Variants in CYP26B1 observed in about 807,000 individuals in gnomAD.
The protein encoded by CYP26B1 is cytochrome P450 family 26 subfamily B member 1, also known as cytochrome P450 26B1.
CYP26B1 carries 8 observed loss-of-function variants against 39.1 expected under a neutral mutation model. That is an observed-to-expected ratio of 0.20 (90% CI 0.12 to 0.37). CYP26B1 has a LOEUF of 0.37. Among genes scored for constraint, CYP26B1 ranks in the 10% least tolerant of loss-of-function variants. The pLI is 1.00. For missense variants in CYP26B1, 615 were observed against 707.0 expected, an observed-to-expected ratio of 0.87 and a Z score of 1.48; for synonymous variants, 321 against 314.3, an observed-to-expected ratio of 1.02 and a Z score of -0.23.
Position 72,132,979 on chromosome 2 carries a change from C to T in CYP26B1, c.1146+44G>A, listed in dbSNP as rs758053095. The T allele has an allele frequency of 8.1e-6, 13 of 1,612,236 alleles. 1 individual carries two copies. The South Asian group carries it at 8.8e-5, about 11-fold the overall frequency. On this transcript the variant is annotated intron_variant, in intron 5 of 5. Coordinates refer to ENST00000001146, the MANE Select transcript of CYP26B1 (RefSeq NM_019885.4). ...GCCCCGCCTTGCCCCTATCCCGGTG[C>T]CCCTGCTCCCCCATCGCCCCCGGTG...
intron 1 of CYP26B1, 48 bp from the exon 2 acceptor site, chr2:72,144,261 G>A: frequency 6.4e-7 from 1 of 1,557,014 alleles, no homozygotes; most frequent in Non-Finnish European, 8.7e-7. Flanking sequence ...TTCTGCAGAG[G>A]GCCCGCGAGG....
At chr2:72,138,461 G>A (rs1164569382) in intron 2 of CYP26B1, among the ~76,000 whole-genome samples, 1 of 152,230 alleles carries the variant, frequency 6.6e-6, no homozygotes, top group Admixed American at 6.5e-5. Context: ...CCTGTGAAGA[G>A]AGGAAGGGTT....
At chr2:72,144,433 G>C in intron 1 of CYP26B1, 22 of 1,354,824 alleles carry the variant, frequency 1.6e-5, no homozygotes, top group Non-Finnish European at 2.1e-5. Flanking sequence ...CGGAGGCCCA[G>C]GGGCACCCCC....
In CYP26B1 at chr2:72,132,218, G is replaced by C. The variant is rs892407164; in HGVS notation, c.*9C>G. 6.3e-7 allele frequency: 1 copy of C among 1,595,538 alleles called. No individual in the cohort carries two copies. Among genetic ancestry groups the C allele is most frequent in the Non-Finnish European group, 8.5e-7 (1 of 1,171,846 alleles). On this transcript the variant is annotated 3_prime_UTR_variant, in exon 6 of 6. Transcript: ENST00000001146. ...TGCCTGGGCTGGGCTGAGGCGGGTG[G>C]GTCTTGGGTTAGACTGTGGCGCTCA...
chr2:72,140,449 G>A (rs909073819), intron 2 of CYP26B1, among the ~76,000 whole-genome samples: 2 of 152,280 alleles, frequency 1.3e-5, no homozygotes, highest in Non-Finnish European at 2.9e-5. Context: ...CCTATGCCAA[G>A]GGGCTGGGGC....
Position 72,133,035 on chromosome 2 carries a change from G to A in CYP26B1, c.1134C>T (p.Thr378=), listed in dbSNP as rs775903624. ...ISGGYRTVLQ[T]FELDGFQIPK... ...GGCCCAGCCTCACATCAAGCTCGAA[G>A]GTCTGCAGCACAGTGCGGTAGCCGC... is the stretch of plus-strand genomic sequence containing the variant. The change falls in exon 5 of 6, where the codon ACC becomes ACT. Residue 378 remains threonine, a synonymous_variant. Coordinates refer to ENST00000001146, the MANE Select transcript of CYP26B1 (RefSeq NM_019885.4). 3.1e-6 allele frequency: 5 copies of A among 1,613,242 alleles called. No individual in the cohort carries two copies. The highest frequency in any genetic ancestry group is 4.2e-6 in the Non-Finnish European group (5 of 1,179,982).
rs915988856 is a variant in CYP26B1 at position 72,129,589 on chromosome 2, A to G, written c.*2638T>C. On this transcript the variant is annotated 3_prime_UTR_variant, in exon 6 of 6. Coordinates refer to ENST00000001146, the MANE Select transcript of CYP26B1 (RefSeq NM_019885.4). ...AAAATAGTACTTATAATAGTTTATA[A>G]AGACAGACACAAAATTATAACATTT... 3.3e-5 allele frequency: 5 copies of G among 151,962 alleles called. No homozygotes were observed. 9.4% of individuals were successfully genotyped at this position (151,962 alleles called of 1,614,324 possible). A position where few individuals can be genotyped will look rare whatever the true frequency, so the allele number is the denominator to read the frequency against.
intron 2 of CYP26B1, among the ~76,000 whole-genome samples, chr2:72,138,442 G>A (rs1676841348): frequency 1.3e-5 from 2 of 152,352 alleles, no homozygotes; most frequent in Admixed American, 6.5e-5. Flanking sequence ...AGGTGCCGGG[G>A]AGCGGCTCCC....
chr2:72,142,405 G>A (rs977257128), intron 2 of CYP26B1, among the ~76,000 whole-genome samples: 1 of 152,186 alleles, frequency 6.6e-6, no homozygotes, highest in African/African-American at 2.4e-5. Context: ...ACTCTCCTCC[G>A]GGGCCCAGAG....
intron 4 of CYP26B1, among the ~76,000 whole-genome samples, chr2:72,134,371 TG>T (rs1676693350): frequency 1.0e-5 from 1 of 99,226 alleles, no homozygotes; most frequent in South Asian, 3.2e-4. Flanking sequence ...AGGCTGGGGG[TG>T]GGGGAGGATA....
chr2:72,132,677 G>A, intron 5 of CYP26B1, 58 bp from the exon 6 acceptor site: 1 of 1,543,730 alleles, frequency 6.5e-7, no homozygotes, highest in South Asian at 1.2e-5. Context: ...CCCACAGAGG[G>A]CCCAGGACTG....
In CYP26B1 at chr2:72,135,108, C is replaced by T. The variant is rs1345849500; in HGVS notation, c.705+36G>A. 6.2e-6 allele frequency: 10 copies of T among 1,611,010 alleles called. No individual in the cohort carries two copies. The Admixed American group carries it at 8.3e-5, about 13-fold the overall frequency. On this transcript the variant is annotated intron_variant, in intron 3 of 5. Coordinates refer to ENST00000001146, the MANE Select transcript of CYP26B1 (RefSeq NM_019885.4). ...CCCCCAGAGAGGGGGCTCATGGATG[C>T]CCCTGCTCCTCTCCTCCCAGGCCCT...
At chr2:72,134,617 C>A in intron 4 of CYP26B1, 144 bp downstream of exon 4, 1 of 1,340,844 alleles carries the variant, frequency 7.5e-7, no homozygotes, top group Non-Finnish European at 1.0e-6. Flanking sequence ...CTTCCAGTTT[C>A]AAGGTCTCCA....
Position 72,147,520 on chromosome 2 carries a change from G to T in CYP26B1, c.204+111C>A. 1 of 1,086,956 alleles carries T rather than the reference G, an allele frequency of 9.2e-7. No homozygotes were observed. Among genetic ancestry groups the T allele is most frequent in the South Asian group, 1.7e-5 (1 of 57,962 alleles). 67.3% of individuals were successfully genotyped at this position (1,086,956 alleles called of 1,614,324 possible). ...GCAGAGAGGAGGGAAGGGGCGGGGC[G>T]GGGACCAGTGCCTTCAGGCTCCCGG... On this transcript the variant is annotated intron_variant, in intron 1 of 5. Transcript: ENST00000001146. This position sits in a 1 kb window ranked among gnomAD's most constrained non-coding sequence, Gnocchi z 6.1.
intron 4 of CYP26B1, among the ~76,000 whole-genome samples, chr2:72,134,263 G>A (rs1038487072): frequency 2.3e-4 from 34 of 149,004 alleles, no homozygotes; most frequent in Non-Finnish European, 4.0e-4. Flanking sequence ...GCCTAAAGCA[G>A]GGCAAGCAGG....
chr2:72,133,259 C>A lies in CYP26B1; in HGVS notation c.910G>T (p.Ala304Ser), dbSNP rs1265502262. 1 of 1,610,898 alleles carries A rather than the reference C, an allele frequency of 6.2e-7. No individual in the cohort carries two copies. Among genetic ancestry groups the A allele is most frequent in the Non-Finnish European group, 8.5e-7 (1 of 1,179,644 alleles). Reference protein sequence around the residue: ...IFAAYATTASASTSLIMQLLK... With the variant: ...IFAAYATTASSSTSLIMQLLK... Reference sequence around the variant, plus strand: ...AGCTGCATGATGAGTGAGGTGCTGGCGCTGGCCGTGGTGGCATAGGCCGCA... The same window carrying A: ...AGCTGCATGATGAGTGAGGTGCTGGAGCTGGCCGTGGTGGCATAGGCCGCA... The change falls in exon 5 of 6, where the codon GCC (alanine) becomes TCC (serine). Residue 304 changes from alanine (A) to serine (S), a missense_variant. By Grantham distance (99) the Ala-to-Ser change is moderately conservative. Coordinates refer to ENST00000001146, the MANE Select transcript of CYP26B1 (RefSeq NM_019885.4).
In CYP26B1 at chr2:72,132,587, C is replaced by A. The variant is rs1341772264; in HGVS notation, c.1179G>T (p.Met393Ile). ...TGTCATGGGTGTCCCGGATGCTATA[C>A]ATGACACTCCAGCCTTTGGGGATCT... is the stretch of plus-strand genomic sequence containing the variant. The part of the protein sequence containing the change: ...GFQIPKGWSV[M>I]YSIRDTHDTA... Residue 393 changes from methionine (M) to isoleucine (I), a missense_variant, in exon 6 of 6, where the codon ATG becomes ATT. Coordinates refer to ENST00000001146, the MANE Select transcript of CYP26B1 (RefSeq NM_019885.4). The A allele has an allele frequency of 6.2e-7, 1 of 1,611,536 alleles. No homozygotes were observed. The highest frequency in any genetic ancestry group is 8.5e-7 in the Non-Finnish European group (1 of 1,179,232).
chr2:72,134,327 G>A (rs1676691183), intron 4 of CYP26B1, among the ~76,000 whole-genome samples: 1 of 148,162 alleles, frequency 6.7e-6, no homozygotes. Flanking sequence ...GGGGGGGAGG[G>A]TGGGAGGGCA....
chr2:72,137,385 C>T (rs2104064017), intron 2 of CYP26B1, among the ~76,000 whole-genome samples: 1 of 152,364 alleles, frequency 6.6e-6, no homozygotes. Context: ...ACCAGATGGC[C>T]TCCCTTCAAT....
Sources: allele counts gnomAD v4.1 joint callset (sites outside exome capture counted in the v4.1 genomes callset), GRCh38; gene constraint gnomAD v4.1.1; non-coding constraint Gnocchi (gnomAD v3.1); transcripts MANE v1.5; gene names NCBI Gene and HGNC (gene_info 2026-07-23, HGNC 2026-07-21).